Variants in DLG2 observed in about 807,000 individuals in gnomAD.
DLG2 encodes disks large homolog 2.
DLG2 carries 45 observed loss-of-function variants against 132.5 expected under a neutral mutation model. The observed-to-expected ratio is 0.34, with a 90% CI of 0.27 to 0.44. The LOEUF (loss-of-function observed/expected upper bound fraction) is 0.44. DLG2 is among the 20% of genes least tolerant of loss of function. The pLI is 1.00. For missense variants in DLG2, 1,045 were observed against 1,196.9 expected (o/e 0.87, Z 1.87); for synonymous variants, 424 against 419.6 (o/e 1.01, Z -0.13).
intron 7 of DLG2, among the ~76,000 whole-genome samples, chr11:84,427,125 G>A (rs1394692895): frequency 6.6e-6 from 1 of 152,086 alleles, no homozygotes; most frequent in Non-Finnish European, 1.5e-5. Context: ...CAGGGGGATA[G>A]TAGAGTAAGA....
chr11:84,589,352 G>A (rs1182951858), intron 6 of DLG2, among the ~76,000 whole-genome samples: 3 of 152,078 alleles, frequency 2.0e-5, no homozygotes, highest in Admixed American at 6.6e-5. Flanking sequence ...AAAGCAAGAA[G>A]GCATGAGACC....
chr11:85,464,526 G>C (rs1476390596), intron 3 of DLG2, among the ~76,000 whole-genome samples: 2 of 152,100 alleles, frequency 1.3e-5, no homozygotes, highest in Non-Finnish European at 2.9e-5. Flanking sequence ...CAGGTCACAA[G>C]TTCGGGTGGC....
chr11:83,888,287 G>A (rs2068568717), intron 15 of DLG2, among the ~76,000 whole-genome samples: 1 of 152,108 alleles, frequency 6.6e-6, no homozygotes, highest in Non-Finnish European at 1.5e-5. Context: ...AAAATCACAA[G>A]CATTCTTATA....
chr11:84,028,474 G>C (rs899298167), intron 11 of DLG2, among the ~76,000 whole-genome samples: 13 of 140,750 alleles, frequency 9.2e-5, no homozygotes, highest in Admixed American at 4.4e-4. Context: ...CTTGAACCAT[G>C]AAATAATTTT....
At chr11:83,553,503 T>C (rs200053834) in intron 19 of DLG2, among the ~76,000 whole-genome samples, 30,064 of 149,668 alleles carry the variant, frequency 0.2, 3,068 homozygotes, top group Non-Finnish European at 0.21. Flanking sequence ...TGTGTGTGTG[T>C]GTGTGTGTGT....
intron 7 of DLG2, among the ~76,000 whole-genome samples, chr11:84,388,422 G>T (rs2098779869): frequency 6.6e-6 from 1 of 152,020 alleles, no homozygotes; most frequent in Admixed American, 6.6e-5. Context: ...ACTAGTCTTT[G>T]GTTTGCCATT....
At chr11:84,659,096 G>T (rs1444870647) in intron 6 of DLG2, among the ~76,000 whole-genome samples, 1 of 152,142 alleles carries the variant, frequency 6.6e-6, no homozygotes, top group African/African-American at 2.4e-5. Flanking sequence ...GCCTGAATAA[G>T]CTAAGACAAT....
intron 7 of DLG2, among the ~76,000 whole-genome samples, chr11:84,484,784 C>A (rs1482938381): frequency 6.6e-6 from 1 of 152,110 alleles, no homozygotes; most frequent in African/African-American, 2.4e-5. Context: ...TCTTTCAAGT[C>A]ACGTGGCTCT....
At chr11:83,808,614 A>T (rs1172572306) in intron 17 of DLG2, among the ~76,000 whole-genome samples, 1 of 152,194 alleles carries the variant, frequency 6.6e-6, no homozygotes, top group East Asian at 1.9e-4. Context: ...AGTTCCATGA[A>T]ACCCAGACAT....
chr11:85,062,137 C>T (rs1188623751), intron 6 of DLG2, among the ~76,000 whole-genome samples: 5 of 151,772 alleles, frequency 3.3e-5, no homozygotes, highest in Non-Finnish European at 7.4e-5. Context: ...TTTTGGTTAT[C>T]TGAAATTGAA....
At chr11:84,199,101 G>A (rs1248870988) in intron 8 of DLG2, among the ~76,000 whole-genome samples, 1 of 152,154 alleles carries the variant, frequency 6.6e-6, no homozygotes, top group Non-Finnish European at 1.5e-5. Flanking sequence ...TGAGAAAAGG[G>A]AAGTGAAGAT....
At chr11:85,189,504 A>G (rs1052944204) in intron 4 of DLG2, among the ~76,000 whole-genome samples, 2 of 152,222 alleles carry the variant, frequency 1.3e-5, no homozygotes, top group African/African-American at 4.8e-5. Context: ...AAAAGATTAT[A>G]TAGTGTATGC....
chr11:83,487,550 A>G (rs908347841), intron 21 of DLG2, among the ~76,000 whole-genome samples: 1 of 152,066 alleles, frequency 6.6e-6, no homozygotes, highest in Non-Finnish European at 1.5e-5. Flanking sequence ...TGCAAATATC[A>G]CTGTTTTTAA....
chr11:84,050,836 G>A (rs550044859), intron 11 of DLG2, among the ~76,000 whole-genome samples: 6 of 151,948 alleles, frequency 3.9e-5, no homozygotes, highest in East Asian at 3.9e-4. Flanking sequence ...GTAGATATGT[G>A]GCATTATTTC....
intron 6 of DLG2, among the ~76,000 whole-genome samples, chr11:84,735,028 G>T (rs1596867778): frequency 6.6e-6 from 1 of 152,106 alleles, no homozygotes; most frequent in East Asian, 1.9e-4. Flanking sequence ...TGTGTTGCTG[G>T]ATTCAGTTTG....
chr11:84,431,564 T>C (rs2098984776), intron 7 of DLG2, among the ~76,000 whole-genome samples: 1 of 152,280 alleles, frequency 6.6e-6, no homozygotes, highest in South Asian at 2.1e-4. Flanking sequence ...CCTTTATCAT[T>C]TACCTTCCTA....
chr11:84,861,674 C>T (rs1031425841), intron 6 of DLG2, among the ~76,000 whole-genome samples: 18 of 132,858 alleles, frequency 1.4e-4, no homozygotes, highest in Non-Finnish European at 4.7e-5. Flanking sequence ...AACAGGCAAC[C>T]TACAGAATGG....
intron 6 of DLG2, among the ~76,000 whole-genome samples, chr11:84,749,658 G>A (rs2065849381): frequency 6.6e-6 from 1 of 152,052 alleles, no homozygotes; most frequent in Admixed American, 6.6e-5. Flanking sequence ...ATTGCCTAAT[G>A]ATGCATTTCT....
chr11:85,197,748 C>A (rs1047541697), intron 4 of DLG2, among the ~76,000 whole-genome samples: 1 of 152,072 alleles, frequency 6.6e-6, no homozygotes, highest in East Asian at 1.9e-4. Flanking sequence ...CCAACTAGAA[C>A]AAAATCTCCA....
Sources: gnomAD v4.1 joint callset for allele counts (sites outside exome capture counted in the v4.1 genomes callset) on GRCh38, gnomAD v4.1.1 for gene constraint, MANE v1.5 for transcripts, NCBI Gene and HGNC (gene_info 2026-07-23, HGNC 2026-07-21) for gene names.